Variants in ATP10B observed in about 807,000 individuals in gnomAD.
ATP10B encodes the protein ATPase phospholipid transporting 10B (putative), also known as phospholipid-transporting ATPase VB.
A neutral mutation model predicts 141.2 loss-of-function variants in ATP10B; 122 were observed. That is an observed-to-expected ratio of 0.86 (90% CI 0.75 to 1.00). ATP10B has a LOEUF of 1.00. Ranked by LOEUF, ATP10B falls within the 50% of genes least tolerant of loss-of-function variation. ATP10B has a pLI of 0.00. For synonymous variants in ATP10B, 685 were observed against 692.0 expected, an observed-to-expected ratio of 0.99 and a Z score of 0.16; for missense variants, 1,876 against 1,825.3, an observed-to-expected ratio of 1.03 and a Z score of -0.51.
intron 1 of ATP10B, among the ~76,000 whole-genome samples, chr5:160,838,026 A>G (rs1165565729): frequency 6.6e-6 from 1 of 152,188 alleles, no homozygotes; most frequent in Non-Finnish European, 1.5e-5. Flanking sequence ...CCAGAATTAA[A>G]AGATTATGCC....
In ATP10B at chr5:160,615,834, C is replaced by T; in HGVS notation, c.2653+4G>A. ...TCCTATAATAATGACTTATTTTTAGCTACCAAGTAAGGTGAGTTGATTCTC... is the reference window on the plus strand; with the variant it reads ...TCCTATAATAATGACTTATTTTTAGTTACCAAGTAAGGTGAGTTGATTCTC... On this transcript the variant is annotated splice_donor_region_variant and intron_variant, in intron 17 of 25. Transcript: ENST00000327245. 6.2e-7 allele frequency: 1 copy of T among 1,608,222 alleles called. No homozygotes were observed. Among genetic ancestry groups the T allele is most frequent in the Non-Finnish European group, 8.5e-7 (1 of 1,175,384 alleles).
At chr5:160,637,756 T>A (rs760852627) in intron 10 of ATP10B, among the ~76,000 whole-genome samples, 1 of 152,164 alleles carries the variant, frequency 6.6e-6, no homozygotes, top group Non-Finnish European at 1.5e-5. Flanking sequence ...CCAAGAAGTA[T>A]AGAGAATAAA....
intron 2 of ATP10B, among the ~76,000 whole-genome samples, chr5:160,780,604 C>T (rs561982982): frequency 6.6e-6 from 1 of 152,212 alleles, no homozygotes; most frequent in East Asian, 1.9e-4. Flanking sequence ...CCCCCTTTAC[C>T]CCAGTGTACT....
intron 24 of ATP10B, among the ~76,000 whole-genome samples, chr5:160,570,976 T>C (rs1412239509): frequency 6.6e-6 from 1 of 152,182 alleles, no homozygotes; most frequent in African/African-American, 2.4e-5. Context: ...GAAGGAAATC[T>C]TTATCTCTTA....
rs563856766 is a variant in ATP10B, at chr5:160,735,597, A to G, written c.-330-18563T>C. Among the ~76,000 whole-genome samples the G allele has an allele frequency of 2.0e-5, 3 of 152,268 alleles. No homozygotes were observed. In the South Asian group the frequency reaches 6.2e-4, roughly 32 times the overall value. ...AGCATTGGACAGATCTTCCAGACAGAAAATCAACAAAAAAAATCAGACTTA... is the reference window on the plus strand; with the variant it reads ...AGCATTGGACAGATCTTCCAGACAGGAAATCAACAAAAAAAATCAGACTTA... On this transcript the variant is annotated intron_variant, in intron 2 of 25. Coordinates refer to ENST00000327245, the MANE Select transcript of ATP10B (RefSeq NM_025153.3).
intron 2 of ATP10B, among the ~76,000 whole-genome samples, chr5:160,770,610 T>A (rs116992043): frequency 0.037 from 5,568 of 152,292 alleles, 252 homozygotes; most frequent in East Asian, 0.24. Context: ...CATTTCCCAG[T>A]GCAAGGTATT....
At chr5:160,924,712 G>A in the ATP10B span, among the ~76,000 whole-genome samples, 1 of 152,164 alleles carries the variant, frequency 6.6e-6, no homozygotes, top group East Asian at 1.9e-4. Context: ...GCCCAGCACA[G>A]CCCTTGAAAC....
At chr5:160,589,731 T>G in intron 23 of ATP10B, 35 bp from the exon 24 acceptor site, 4 of 1,529,364 alleles carry the variant, frequency 2.6e-6, no homozygotes, top group Non-Finnish European at 3.6e-6. Flanking sequence ...TTGTCAGGTA[T>G]GTCTGTGGAC....
intron 1 of ATP10B, among the ~76,000 whole-genome samples, chr5:160,797,907 A>C (rs2127923851): frequency 6.6e-6 from 1 of 151,644 alleles, no homozygotes; most frequent in South Asian, 2.1e-4. Flanking sequence ...CCTGGGCAAC[A>C]TACCAAGACC....
the ATP10B span, among the ~76,000 whole-genome samples, chr5:160,911,758 C>T: frequency 6.6e-6 from 1 of 152,164 alleles, no homozygotes; most frequent in African/African-American, 2.4e-5. Flanking sequence ...TATACACTTA[C>T]AGATGAAATC....
chr5:160,715,971 A>C (rs1047905840), intron 3 of ATP10B, among the ~76,000 whole-genome samples: 1 of 152,110 alleles, frequency 6.6e-6, no homozygotes, highest in Non-Finnish European at 1.5e-5. Context: ...GGCCTCCCAA[A>C]GTGCTGGGAT....
At chr5:160,596,648 T>G (rs1165386858) in intron 22 of ATP10B, among the ~76,000 whole-genome samples, 2 of 150,786 alleles carry the variant, frequency 1.3e-5, no homozygotes, top group Non-Finnish European at 3.0e-5. Flanking sequence ...AAAACCCCAT[T>G]GTCTCAGCCC....
chr5:160,748,549 G>A (rs577939060), intron 2 of ATP10B, among the ~76,000 whole-genome samples: 1 of 152,258 alleles, frequency 6.6e-6, no homozygotes, highest in East Asian at 1.9e-4. Context: ...TCCTGCTCTC[G>A]GCCTGCAGAG....
At chr5:160,632,451 G>A (rs973911124) in intron 12 of ATP10B, 84 bp from the exon 13 acceptor site, 19 of 1,322,184 alleles carry the variant, frequency 1.4e-5, no homozygotes, top group South Asian at 1.3e-4. Context: ...TGTGGGGGGT[G>A]GTAAGAGCAT....
At chr5:160,854,697 G>C (rs756032910), upstream of ATP10B, among the ~76,000 whole-genome samples, 1 of 151,964 alleles carries the variant, frequency 6.6e-6, no homozygotes, top group Non-Finnish European at 1.5e-5. Flanking sequence ...GGGATTGCTG[G>C]GTCAAATTGT....
At chr5:160,663,281 C>A (rs1467419381) in intron 7 of ATP10B, among the ~76,000 whole-genome samples, 14 of 152,218 alleles carry the variant, frequency 9.2e-5, no homozygotes, top group East Asian at 7.7e-4. Flanking sequence ...CAGCCATCCC[C>A]TTACTGGAAA....
chr5:160,856,102 C>T (rs938195591), upstream of ATP10B, among the ~76,000 whole-genome samples: 83 of 151,540 alleles, frequency 5.5e-4, no homozygotes, highest in African/African-American at 1.9e-3. Flanking sequence ...CTTGTCTGTA[C>T]CTAGAAAAAA....
In ATP10B at chr5:160,832,672, T is replaced by C. The variant is rs544679143; in HGVS notation, c.-576+19269A>G. 6.6e-5 allele frequency among the ~76,000 whole-genome samples: 10 copies of C among 152,054 alleles called. No homozygotes were observed. In the South Asian group the frequency reaches 1.7e-3, roughly 25 times the overall value. Reference sequence around the variant, plus strand: ...CTCCCACTTGTCAAAGAGATAAAGCTAAATAAGCCACACGATTATACTCTA... The same window carrying C: ...CTCCCACTTGTCAAAGAGATAAAGCCAAATAAGCCACACGATTATACTCTA... On this transcript the variant is annotated intron_variant, in intron 1 of 25. Coordinates refer to ENST00000327245, the MANE Select transcript of ATP10B (RefSeq NM_025153.3).
chr5:160,597,023 C>T (rs1174230123), intron 22 of ATP10B, among the ~76,000 whole-genome samples: 1 of 152,130 alleles, frequency 6.6e-6, no homozygotes, highest in Non-Finnish European at 1.5e-5. Flanking sequence ...TGACTTTCTT[C>T]ACAGAATTGG....
Sources: allele counts gnomAD v4.1 joint callset (sites outside exome capture counted in the v4.1 genomes callset), GRCh38; gene constraint gnomAD v4.1.1; transcripts MANE v1.5; gene names NCBI Gene and HGNC (gene_info 2026-07-23, HGNC 2026-07-21).